The following CACNA1B variants were observed in gnomAD, a reference collection of about 807,000 sequenced individuals.
CACNA1B encodes calcium voltage-gated channel subunit alpha1 B, also known as voltage-dependent N-type calcium channel subunit alpha-1B.
A neutral mutation model predicts 247.2 loss-of-function variants in CACNA1B; 70 were observed. That is an observed-to-expected ratio of 0.28 (90% CI 0.23 to 0.35). CACNA1B has a LOEUF of 0.35. Among genes scored for constraint, CACNA1B ranks in the 10% least tolerant of loss-of-function variants. CACNA1B has a pLI of 1.00. For missense variants in CACNA1B, 2,367 were observed against 3,197.4 expected (o/e 0.74, Z 6.26); for synonymous variants, 1,231 against 1,294.4 (o/e 0.95, Z 1.05).
intron 42 of CACNA1B, 52 bp downstream of exon 42, chr9:138,115,731 T>A: frequency 6.5e-7 from 1 of 1,545,102 alleles, no homozygotes; most frequent in Non-Finnish European, 8.8e-7. Context: ...CCAAAGACAG[T>A]AAAGGGGGAA....
intron 18 of CACNA1B, among the ~76,000 whole-genome samples, chr9:138,015,797 G>C (rs1339427953): frequency 6.6e-6 from 1 of 152,210 alleles, no homozygotes; most frequent in Non-Finnish European, 1.5e-5. Context: ...TGCTTGAAGG[G>C]ACACTAAGGT....
intron 41 of CACNA1B, 77 bp from the exon 42 acceptor site, chr9:138,115,475 A>G: frequency 6.8e-7 from 1 of 1,478,930 alleles, no homozygotes; most frequent in Non-Finnish European, 9.1e-7. Context: ...GCCCCATGCC[A>G]CATGGTCAGA....
At chr9:138,032,911 G>T in intron 20 of CACNA1B, 9 of 290,048 alleles carry the variant, frequency 3.1e-5, no homozygotes, top group South Asian at 1.1e-4. Context: ...TGAATTTGTA[G>T]GTTTATATCT....
chr9:138,004,807 A>G (rs1412261727), intron 15 of CACNA1B, among the ~76,000 whole-genome samples: 1 of 152,178 alleles, frequency 6.6e-6, no homozygotes, highest in Non-Finnish European at 1.5e-5. Flanking sequence ...AAATAATCAC[A>G]TTTAAAAGTG....
At chr9:137,907,436 G>C (rs374938027) in intron 3 of CACNA1B, among the ~76,000 whole-genome samples, 97 of 152,276 alleles carry the variant, frequency 6.4e-4, no homozygotes, top group African/African-American at 2.2e-3. Flanking sequence ...CCTAGAAGTG[G>C]CCAAATACTC....
At chr9:138,027,150 G>A (rs1958931210) in intron 20 of CACNA1B, among the ~76,000 whole-genome samples, 1 of 152,034 alleles carries the variant, frequency 6.6e-6, no homozygotes, top group Non-Finnish European at 1.5e-5. Context: ...GGAGTTCTTT[G>A]TATATTTTGG....
chr9:138,014,690 C>T lies in CACNA1B; in HGVS notation c.2267+1455C>T, dbSNP rs561987778. 9.2e-5 allele frequency among the ~76,000 whole-genome samples: 14 copies of T among 152,218 alleles called. No homozygotes were observed. Among genetic ancestry groups the T allele is most frequent in the African/African-American group, 3.1e-4 (13 of 41,522 alleles). On this transcript the variant is annotated intron_variant, in intron 18 of 46. Transcript: ENST00000371372. This position sits in a 1 kb window ranked among gnomAD's most constrained non-coding sequence, Gnocchi z 6.2. ...GTGGTGTGTTCAGCTCCTGGCCTCG[C>T]GCAGGCCTCGTGTTGTTCTCCTGAA...
At chr9:138,016,494 G>A (rs912412926) in intron 18 of CACNA1B, among the ~76,000 whole-genome samples, 1 of 152,248 alleles carries the variant, frequency 6.6e-6, no homozygotes, top group African/African-American at 2.4e-5. Flanking sequence ...GCCCAGAGGC[G>A]CCTGGGTTGC....
At chr9:137,949,093 T>TGTG (rs1957837925) in intron 6 of CACNA1B, among the ~76,000 whole-genome samples, 3 of 81,834 alleles carry the variant, frequency 3.7e-5, no homozygotes, top group Non-Finnish European at 5.5e-5. Flanking sequence ...GTGTGTGGTG[T>TGTG]GTGCATGTTT....
intron 44 of CACNA1B, among the ~76,000 whole-genome samples, chr9:138,119,353 G>GT (rs1012371205): frequency 5.9e-5 from 9 of 152,028 alleles, no homozygotes; most frequent in Non-Finnish European, 1.0e-4. Context: ...TGGGAGGATC[G>GT]CCCCTCCGAG....
At chr9:138,092,853 C>T (rs938352622) in intron 36 of CACNA1B, among the ~76,000 whole-genome samples, 4 of 152,288 alleles carry the variant, frequency 2.6e-5, no homozygotes, top group South Asian at 2.1e-4. Flanking sequence ...CCGGTCCCTC[C>T]GTTCAGGGTC....
intron 3 of CACNA1B, among the ~76,000 whole-genome samples, chr9:137,893,364 A>AAC (rs1554921700): frequency 6.6e-6 from 1 of 151,294 alleles, no homozygotes; most frequent in Admixed American, 6.6e-5. Flanking sequence ...TAAAAAAAAA[A>AAC]AAAACACTGG....
chr9:137,912,648 C>G (rs1050693447), intron 3 of CACNA1B, among the ~76,000 whole-genome samples: 4 of 152,152 alleles, frequency 2.6e-5, no homozygotes, highest in Non-Finnish European at 5.9e-5. Context: ...ACCACAGTGT[C>G]TTCCTCATTC....
In CACNA1B at chr9:137,957,450, C is replaced by G. The variant is rs1040255093; in HGVS notation, c.1244-148C>G. ...GGGACTGGGAGGGACCCAAGGGGGCCCACAATCATCCGGCCTCAGCCCCAG... is the reference window on the plus strand; with the variant it reads ...GGGACTGGGAGGGACCCAAGGGGGCGCACAATCATCCGGCCTCAGCCCCAG... On this transcript the variant is annotated intron_variant, in intron 9 of 46. Coordinates refer to ENST00000371372, the MANE Select transcript of CACNA1B (RefSeq NM_000718.4). The surrounding 1 kb of genome is among the most constrained non-coding windows in gnomAD (Gnocchi z 4.7). 3 of 469,784 alleles carry G rather than the reference C, an allele frequency of 6.4e-6. No individual in the cohort carries two copies. The highest frequency in any genetic ancestry group is 3.9e-5 in the Admixed American group (1 of 25,332). The allele number at this position is 469,784 out of a possible 1,614,324, so 29.1% of individuals were successfully genotyped here.
intron 5 of CACNA1B, among the ~76,000 whole-genome samples, chr9:137,915,582 T>C (rs1426769577): frequency 6.6e-6 from 1 of 152,008 alleles, no homozygotes; most frequent in Admixed American, 6.6e-5. Flanking sequence ...CCCAGCACTT[T>C]TAGAAAAAGG....
In CACNA1B at chr9:138,052,304, C is replaced by T. The variant is rs112168375; in HGVS notation, c.3807+116C>T. 1 of 637,780 alleles carries T rather than the reference C, an allele frequency of 1.6e-6. No homozygotes were observed. Among genetic ancestry groups the T allele is most frequent in the Non-Finnish European group, 2.8e-6 (1 of 356,342 alleles). The allele number at this position is 637,780 out of a possible 1,614,324, so 39.5% of individuals were successfully genotyped here. A position where few individuals can be genotyped will look rare whatever the true frequency, so the allele number is the denominator to read the frequency against. On this transcript the variant is annotated intron_variant, in intron 25 of 46. Transcript: ENST00000371372. This position sits in a 1 kb window ranked among gnomAD's most constrained non-coding sequence, Gnocchi z 5.1. ...GAGTGTGTGTGTGTTCACATCACAC[C>T]CCTGTGTGAGGGGGTTGGGCTCACT...
rs1009517548 is a variant in CACNA1B at position 138,072,625 on chromosome 9, C to T, written c.4675-863C>T. Among the ~76,000 whole-genome samples, 1 of 152,194 alleles carries T rather than the reference C, an allele frequency of 6.6e-6. No homozygotes were observed. The highest frequency in any genetic ancestry group is 1.5e-5 in the Non-Finnish European group (1 of 68,044). On this transcript the variant is annotated intron_variant, in intron 32 of 46. Transcript: ENST00000371372. This position sits in a 1 kb window ranked among gnomAD's most constrained non-coding sequence, Gnocchi z 4.5. Reference sequence around the variant, plus strand: ...AGGTAGACAGAGGGCAGAAAGCCTCCTGGGTCCACAAGCACCCCCATCTGT... The same window carrying T: ...AGGTAGACAGAGGGCAGAAAGCCTCTTGGGTCCACAAGCACCCCCATCTGT...
At chr9:138,119,158 C>T (rs901064815) in intron 44 of CACNA1B, among the ~76,000 whole-genome samples, 3 of 152,262 alleles carry the variant, frequency 2.0e-5, no homozygotes, top group Middle Eastern at 3.4e-3. Context: ...TTCACCGACA[C>T]CTCAGTCCCC....
Position 138,023,007 on chromosome 9 carries a change from G to A in CACNA1B, c.2268-4G>A, listed in dbSNP as rs890507866. On this transcript the variant is annotated splice_polypyrimidine_tract_variant and splice_region_variant and intron_variant, in intron 18 of 46. Coordinates refer to ENST00000371372, the MANE Select transcript of CACNA1B (RefSeq NM_000718.4). ...GGCCGCGCTCACCGCCAGTCTCCCCGCAGCAGGCAGCAGAACTCGGCCAAG... is the reference window on the plus strand; with the variant it reads ...GGCCGCGCTCACCGCCAGTCTCCCCACAGCAGGCAGCAGAACTCGGCCAAG... 3.3e-6 allele frequency: 5 copies of A among 1,498,630 alleles called. No homozygotes were observed. The South Asian group carries it at 6.3e-5, about 19-fold the overall frequency. The allele number at this position is 1,498,630 out of a possible 1,614,324, so 92.8% of individuals were successfully genotyped here.
Sources: gnomAD v4.1 joint callset for allele counts (sites outside exome capture counted in the v4.1 genomes callset) on GRCh38, gnomAD v4.1.1 for gene constraint, Gnocchi (gnomAD v3.1) non-coding constraint, MANE v1.5 for transcripts, NCBI Gene and HGNC (gene_info 2026-07-23, HGNC 2026-07-21) for gene names.